The following INSYN2B variants were observed in gnomAD, a reference collection of about 807,000 sequenced individuals.
INSYN2B encodes the protein protein INSYN2B.
Under a neutral mutation model 41.2 loss-of-function variants are expected in INSYN2B, and 16 were observed. The observed-to-expected ratio is 0.39, with a 90% CI of 0.26 to 0.59. INSYN2B has a LOEUF of 0.59. Ranked by LOEUF, INSYN2B falls within the 20% of genes least tolerant of loss-of-function variation. The pLI, the probability that INSYN2B is intolerant of heterozygous loss-of-function variation, is 0.57. For synonymous variants in INSYN2B, 245 were observed against 244.4 expected, an observed-to-expected ratio of 1.00 and a Z score of -0.02; for missense variants, 608 against 646.4, an observed-to-expected ratio of 0.94 and a Z score of 0.64.
intron 1 of INSYN2B, among the ~76,000 whole-genome samples, chr5:169,899,481 C>G (rs1300359158): frequency 2.0e-5 from 3 of 152,138 alleles, no homozygotes; most frequent in Non-Finnish European, 4.4e-5. Context: ...CAAAAATGAG[C>G]CTTGGTTTCT....
intron 1 of INSYN2B, among the ~76,000 whole-genome samples, chr5:169,975,654 G>C (rs1286930361): frequency 6.6e-6 from 1 of 152,168 alleles, no homozygotes; most frequent in Non-Finnish European, 1.5e-5. Context: ...AGGCCACTAT[G>C]ATCCATCCTA....
intron 1 of INSYN2B, among the ~76,000 whole-genome samples, chr5:169,967,775 C>T (rs183290939): frequency 4.5e-4 from 69 of 152,168 alleles, no homozygotes; most frequent in Non-Finnish European, 9.0e-4. Flanking sequence ...TCAATCAGTG[C>T]AGTAAGAGTG....
chr5:169,872,145 C>A (rs1772018823), intron 3 of INSYN2B, among the ~76,000 whole-genome samples: 1 of 152,232 alleles, frequency 6.6e-6, no homozygotes, highest in Non-Finnish European at 1.5e-5. Flanking sequence ...TCCACTTCTT[C>A]TTCATCTCTT....
intron 1 of INSYN2B, among the ~76,000 whole-genome samples, chr5:169,942,449 T>G (rs541458243): frequency 1.7e-3 from 253 of 152,352 alleles, no homozygotes; most frequent in Non-Finnish European, 2.7e-3. Context: ...CACTCGTCCA[T>G]GAGCCACACA....
intron 1 of INSYN2B, among the ~76,000 whole-genome samples, chr5:169,957,687 A>G (rs1561850231): frequency 1.3e-5 from 2 of 152,090 alleles, no homozygotes; most frequent in Non-Finnish European, 1.5e-5. Context: ...AACCCTTCTG[A>G]GTTTTTCAGC....
At position 169,927,908 on chromosome 5, in the gene INSYN2B, T is replaced by G. The variant is rs574099588; in HGVS notation, c.-918-43092A>C. 3.3e-4 allele frequency among the ~76,000 whole-genome samples: 50 copies of G among 152,232 alleles called. 1 individual carries two copies. Among genetic ancestry groups the G allele is most frequent in the South Asian group, 2.1e-3 (10 of 4,820 alleles). ...TGGGATTACAGGCATGAGACACTGC[T>G]CCCGGCCCGAAAAATTCTTTATTCA... On this transcript the variant is annotated intron_variant, in intron 1 of 3. Coordinates refer to ENST00000377365, the MANE Select transcript of INSYN2B (RefSeq NM_001129891.3).
intron 1 of INSYN2B, among the ~76,000 whole-genome samples, chr5:169,967,496 G>A (rs1310452342): frequency 6.6e-6 from 1 of 152,142 alleles, no homozygotes; most frequent in Non-Finnish European, 1.5e-5. Context: ...AGTTTAAAGG[G>A]AAGAGTAGGA....
chr5:169,963,851 C>T (rs923435001), intron 1 of INSYN2B, among the ~76,000 whole-genome samples: 6 of 152,082 alleles, frequency 3.9e-5, no homozygotes, highest in Non-Finnish European at 8.8e-5. Flanking sequence ...GAACATAGAC[C>T]GCTGGGCCTA....
chr5:169,912,884 G>A (rs148469756), intron 1 of INSYN2B, among the ~76,000 whole-genome samples: 2,239 of 151,582 alleles, frequency 0.015, 52 homozygotes, highest in African/African-American at 0.051. Flanking sequence ...TACTTAATTA[G>A]CATTTATTGT....
At chr5:169,913,438 A>C (rs1774713636) in intron 1 of INSYN2B, among the ~76,000 whole-genome samples, 2 of 152,178 alleles carry the variant, frequency 1.3e-5, no homozygotes, top group South Asian at 2.1e-4. Flanking sequence ...GAACAAGCTC[A>C]TTGCCAAGGA....
chr5:169,920,109 G>C (rs764638711), intron 1 of INSYN2B, among the ~76,000 whole-genome samples: 15 of 152,112 alleles, frequency 9.9e-5, no homozygotes, highest in Non-Finnish European at 2.2e-4. Context: ...GAAACACCAA[G>C]AGATTGGCTT....
At chr5:169,889,303 T>A (rs1773153300) in intron 1 of INSYN2B, among the ~76,000 whole-genome samples, 1 of 152,210 alleles carries the variant, frequency 6.6e-6, no homozygotes, top group African/African-American at 2.4e-5. Context: ...TGTTTTCTAG[T>A]CTACTATGCT....
intron 1 of INSYN2B, among the ~76,000 whole-genome samples, chr5:169,907,633 A>G (rs1774357427): frequency 6.6e-6 from 1 of 152,220 alleles, no homozygotes; most frequent in South Asian, 2.1e-4. Context: ...TGTTCTACAC[A>G]CAAGAAAATT....
chr5:169,886,765 G>A (rs1772993415), intron 1 of INSYN2B, among the ~76,000 whole-genome samples: 1 of 152,136 alleles, frequency 6.6e-6, no homozygotes, highest in African/African-American at 2.4e-5. Context: ...GTCTACTTTT[G>A]AGGGTTTCCT....
intron 3 of INSYN2B, 148 bp from the exon 4 acceptor site, chr5:169,864,607 G>A (rs1771422502): frequency 3.1e-6 from 2 of 640,314 alleles, no homozygotes; most frequent in South Asian, 2.1e-5. Flanking sequence ...TTGACCTTGG[G>A]AAAGTGATGC....
In INSYN2B at chr5:169,978,390, TGTGG is replaced by T. The variant is rs1482402151; in HGVS notation, c.-919+1883_-919+1886del. Among the ~76,000 whole-genome samples the T allele has an allele frequency of 2.4e-3, 40 of 16,584 alleles. 1 individual carries two copies. The highest frequency in any genetic ancestry group is 4.8e-3 in the East Asian group (5 of 1,038). The allele number at this position is 16,584 out of a possible 152,430, so 10.9% of individuals were successfully genotyped here. On this transcript the variant is annotated intron_variant, in intron 1 of 3. Coordinates refer to ENST00000377365, the MANE Select transcript of INSYN2B (RefSeq NM_001129891.3). ...GGCTCTGTGTATGTGTGTGTGTGTG[TGTGG>T]GGGGGGGGGGGTGTAGGTGTGTTTG... is the stretch of plus-strand genomic sequence containing the variant.
Position 169,864,453 on chromosome 5 carries a change from C to G in INSYN2B, c.1428G>C (p.Glu476Asp). The G allele has an allele frequency of 6.5e-7, 1 of 1,535,742 alleles. No homozygotes were observed. The highest frequency in any genetic ancestry group is 8.8e-7 in the Non-Finnish European group (1 of 1,139,932). Residue 476 changes from glutamate to aspartate, a missense_variant, in exon 4 of 4, where the codon GAG (glutamate) becomes GAC (aspartate). Transcript: ENST00000377365. ...QNTACIIYSVEYDFRQQEGRF... is the reference protein window; with the variant it reads ...QNTACIIYSVDYDFRQQEGRF... The stretch of plus-strand genomic sequence containing the variant: ...TGCCTTCCTGCTGCCGAAAATCATA[C>G]TCTACACTGAAAAACACAGAGAGGA...
chr5:169,920,682 CAT>C (rs1212619505), intron 1 of INSYN2B, among the ~76,000 whole-genome samples: 1 of 152,200 alleles, frequency 6.6e-6, no homozygotes, highest in Non-Finnish European at 1.5e-5. Flanking sequence ...ACAGTGTAGC[CAT>C]AGAGAGCACA....
At chr5:169,893,145 A>G (rs1463542894) in intron 1 of INSYN2B, among the ~76,000 whole-genome samples, 1 of 152,180 alleles carries the variant, frequency 6.6e-6, no homozygotes, top group African/African-American at 2.4e-5. Context: ...GTGGGGAATC[A>G]GCATCTCTTG....
Sources: allele counts gnomAD v4.1 joint callset (sites outside exome capture counted in the v4.1 genomes callset), GRCh38; gene constraint gnomAD v4.1.1; transcripts MANE v1.5; gene names NCBI Gene and HGNC (gene_info 2026-07-23, HGNC 2026-07-21).